The following CATSPERE variants were observed in gnomAD, a reference collection of about 807,000 sequenced individuals.
CATSPERE encodes cation channel sperm-associated auxiliary subunit epsilon.
CATSPERE carries 93 observed loss-of-function variants against 114.1 expected under a neutral mutation model. That is an observed-to-expected ratio of 0.81 (90% confidence interval 0.69 to 0.97). The LOEUF (loss-of-function observed/expected upper bound fraction) is 0.97. Ranked by LOEUF, CATSPERE falls within the 50% of genes least tolerant of loss-of-function variation. CATSPERE has a pLI of 0.00. For missense variants in CATSPERE, 1,058 were observed against 1,131.6 expected (o/e 0.93, Z 0.93); for synonymous variants, 341 against 384.1 (o/e 0.89, Z 1.31).
At chr1:244,552,986 G>C (rs1660891947) in intron 9 of CATSPERE, among the ~76,000 whole-genome samples, 172 bp downstream of exon 9, 1 of 152,090 alleles carries the variant, frequency 6.6e-6, no homozygotes, top group Admixed American at 6.5e-5. Flanking sequence ...CTTTACAGTA[G>C]AGATACACCC....
In CATSPERE at chr1:244,593,380, A is replaced by AT; in HGVS notation, c.2190-14dup. The AT allele has an allele frequency of 6.2e-7, 1 of 1,611,336 alleles. No homozygotes were observed. The highest frequency in any genetic ancestry group is 1.1e-5 in the South Asian group (1 of 90,654). ...AAAGAGGAAAGAGAAATAATGAGGA[A>AT]TGTCTTTTTCACAGGTCATATCTGA... is the stretch of plus-strand genomic sequence containing the variant. On this transcript the variant is annotated splice_polypyrimidine_tract_variant and intron_variant, in intron 15 of 21. Transcript: ENST00000366534.
chr1:244,593,049 A>G (rs924118434), intron 15 of CATSPERE, among the ~76,000 whole-genome samples: 1 of 152,224 alleles, frequency 6.6e-6, no homozygotes, highest in Admixed American at 6.5e-5. Flanking sequence ...TTATTCTTTC[A>G]TCTGTTAATA....
At chr1:244,507,471 TAGA>T (rs1675000793) in intron 7 of CATSPERE, among the ~76,000 whole-genome samples, 1 of 152,182 alleles carries the variant, frequency 6.6e-6, no homozygotes, top group East Asian at 1.9e-4. Context: ...CTTTGCTGTG[TAGA>T]AGCTTTTTAA....
intron 5 of CATSPERE, 102 bp downstream of exon 5, chr1:244,479,886 C>A (rs979361179): frequency 3.7e-5 from 20 of 536,970 alleles, no homozygotes; most frequent in African/African-American, 3.3e-4. Flanking sequence ...GGTTTCCATA[C>A]AACTTTCATT....
At chr1:244,511,319 A>G (rs1469139723) in intron 7 of CATSPERE, among the ~76,000 whole-genome samples, 1 of 152,112 alleles carries the variant, frequency 6.6e-6, no homozygotes, top group Non-Finnish European at 1.5e-5. Flanking sequence ...ATAACTTTTT[A>G]TATGCCTTCA....
intron 20 of CATSPERE, among the ~76,000 whole-genome samples, chr1:244,627,769 A>C (rs1210491323): frequency 6.6e-6 from 1 of 152,252 alleles, no homozygotes; most frequent in African/African-American, 2.4e-5. Flanking sequence ...ATTTCTCCTT[A>C]TCCACAGTTT....
intron 2 of CATSPERE, among the ~76,000 whole-genome samples, chr1:244,468,868 T>C (rs979812503): frequency 3.3e-5 from 5 of 152,114 alleles, no homozygotes; most frequent in Non-Finnish European, 5.9e-5. Flanking sequence ...CAGTGAGCTA[T>C]GATCATGCCA....
intron 9 of CATSPERE, among the ~76,000 whole-genome samples, chr1:244,559,770 T>C (rs1024488598): frequency 6.6e-6 from 1 of 152,206 alleles, no homozygotes; most frequent in Non-Finnish European, 1.5e-5. Context: ...GCCAGAGTGA[T>C]AAATACACAA....
At chr1:244,548,977 C>T (rs147453252) in intron 8 of CATSPERE, among the ~76,000 whole-genome samples, 1 of 152,290 alleles carries the variant, frequency 6.6e-6, no homozygotes, top group East Asian at 1.9e-4. Context: ...CCACTTTGGG[C>T]TCCTCATGGC....
Position 244,572,492 on chromosome 1 carries a change from A to C in CATSPERE, c.1670A>C (p.Asp557Ala). ...SGQTYFLYAL[D>A]DGTIQIQDYP... The stretch of plus-strand genomic sequence containing the variant: ...CAAACATATTTCCTGTATGCTTTGG[A>C]TGATGGCACAATACAAATACAGGAC... The change falls in exon 11 of 22, where the codon GAT (aspartate) becomes GCT (alanine). Residue 557 changes from aspartate to alanine, a missense_variant. By Grantham distance (126) the Asp-to-Ala change is moderately radical. Transcript: ENST00000366534. The C allele has an allele frequency of 6.2e-7, 1 of 1,614,144 alleles. No individual in the cohort carries two copies. The highest frequency in any genetic ancestry group is 8.5e-7 in the Non-Finnish European group (1 of 1,179,996).
chr1:244,567,314 ATTGT>A (rs1351687681), intron 10 of CATSPERE, among the ~76,000 whole-genome samples: 2 of 151,836 alleles, frequency 1.3e-5, no homozygotes, highest in Non-Finnish European at 2.9e-5. Flanking sequence ...GAATCTGATG[ATTGT>A]TTGTCTTGTG....
rs954333515 is a variant in CATSPERE at position 244,463,789 on chromosome 1, G to A, written c.66-119G>A. The A allele has an allele frequency of 3.6e-6, 3 of 839,838 alleles. No homozygotes were observed. The African/African-American group carries it at 5.1e-5, about 14-fold the overall frequency. The allele number at this position is 839,838 out of a possible 1,614,324, so 52.0% of individuals were successfully genotyped here. On this transcript the variant is annotated intron_variant, in intron 1 of 21. Coordinates refer to ENST00000366534, the MANE Select transcript of CATSPERE (RefSeq NM_001130957.2). ...TAGCCCTGAGTTGCTGTCAAGGAAG[G>A]GAATGAGGCAGAAAGGTGACACTCC... is the stretch of plus-strand genomic sequence containing the variant.
At chr1:244,494,480 A>G (rs1672771104) in intron 6 of CATSPERE, among the ~76,000 whole-genome samples, 1 of 148,294 alleles carries the variant, frequency 6.7e-6, no homozygotes, top group South Asian at 2.2e-4. Flanking sequence ...GAGGGATAGC[A>G]TTAGGAGATA....
At chr1:244,635,604 A>G in intron 21 of CATSPERE, 62 bp downstream of exon 21, 1 of 1,321,606 alleles carries the variant, frequency 7.6e-7, no homozygotes, top group East Asian at 2.3e-5. Flanking sequence ...ATGGCAGCTA[A>G]GAAGGAAAAG....
At chr1:244,554,764 A>G (rs1572723750) in intron 9 of CATSPERE, among the ~76,000 whole-genome samples, 1 of 152,120 alleles carries the variant, frequency 6.6e-6, no homozygotes, top group African/African-American at 2.4e-5. Context: ...GGAGGGAATT[A>G]TCCCTAACTC....
At chr1:244,482,247 G>T (rs1286379782) in intron 5 of CATSPERE, among the ~76,000 whole-genome samples, 1 of 152,138 alleles carries the variant, frequency 6.6e-6, no homozygotes, top group Non-Finnish European at 1.5e-5. Flanking sequence ...TGAGAGGATT[G>T]CTTGAGCCCA....
At chr1:244,547,418 A>C (rs1163912565) in intron 8 of CATSPERE, among the ~76,000 whole-genome samples, 1 of 152,200 alleles carries the variant, frequency 6.6e-6, no homozygotes, top group Non-Finnish European at 1.5e-5. Context: ...TCAAATTTAG[A>C]ATATTCTCAT....
At chr1:244,472,142 T>C (rs3124062) in intron 2 of CATSPERE, among the ~76,000 whole-genome samples, 97,085 of 151,768 alleles carry the variant, frequency 0.64, 31,388 homozygotes, top group Middle Eastern at 0.75. Context: ...TTTATTTTTA[T>C]TAGAGACAAG....
intron 8 of CATSPERE, among the ~76,000 whole-genome samples, chr1:244,542,132 A>C (rs563953388): frequency 2.1e-5 from 3 of 139,788 alleles, no homozygotes; most frequent in Non-Finnish European, 3.1e-5. Flanking sequence ...CATTGTGCAC[A>C]TGTACCCTAA....
Sources: gnomAD v4.1 joint callset for allele counts (sites outside exome capture counted in the v4.1 genomes callset) on GRCh38, gnomAD v4.1.1 for gene constraint, MANE v1.5 for transcripts, NCBI Gene and HGNC (gene_info 2026-07-23, HGNC 2026-07-21) for gene names.